ASIC2: variants seen among roughly 807,000 people sequenced by gnomAD.
ASIC2 encodes the protein acid-sensing ion channel 2.
Under a neutral mutation model 57.3 loss-of-function variants are expected in ASIC2, and 25 were observed. The observed-to-expected ratio is 0.44, with a 90% CI of 0.32 to 0.61. ASIC2 has a LOEUF of 0.61. Among genes scored for constraint, ASIC2 ranks in the 20% least tolerant of loss-of-function variants. The pLI is 0.06. For missense variants in ASIC2, 641 were observed against 738.1 expected (o/e 0.87, Z 1.52); for synonymous variants, 319 against 307.5 (o/e 1.04, Z -0.39).
intron 1 of ASIC2, among the ~76,000 whole-genome samples, chr17:34,093,864 T>C (rs1211114431): frequency 4.6e-5 from 7 of 152,050 alleles, no homozygotes; most frequent in South Asian, 2.1e-4. Context: ...CCCTAGTCAT[T>C]TGGGGGCACA....
In ASIC2 at chr17:33,063,368, A is replaced by G. The variant is rs545860813; in HGVS notation, c.987+25495T>C. Among the ~76,000 whole-genome samples the G allele has an allele frequency of 2.0e-5, 3 of 152,270 alleles. No individual in the cohort carries two copies. In the South Asian group the frequency reaches 6.2e-4, roughly 32 times the overall value. On this transcript the variant is annotated intron_variant, in intron 3 of 9. Transcript: ENST00000225823. ...GTAGGGCAGGCCTGGCGGTGACAAA[A>G]TCTCTCAGCATTTGCTTGTCTGTAA... is the stretch of plus-strand genomic sequence containing the variant.
intron 1 of ASIC2, among the ~76,000 whole-genome samples, chr17:33,594,844 A>G (rs1258454647): frequency 7.5e-5 from 11 of 146,730 alleles, no homozygotes; most frequent in Non-Finnish European, 1.7e-4. Context: ...AAAAAAAAAA[A>G]GAGCTCTGTT....
intron 1 of ASIC2, among the ~76,000 whole-genome samples, chr17:33,375,042 A>C (rs945085985): frequency 1.3e-5 from 2 of 152,180 alleles, no homozygotes; most frequent in Non-Finnish European, 2.9e-5. Flanking sequence ...GAGTTTTTAA[A>C]ATGCTCCTTA....
intron 1 of ASIC2, among the ~76,000 whole-genome samples, chr17:33,726,098 A>T (rs1909551880): frequency 6.6e-6 from 1 of 152,192 alleles, no homozygotes; most frequent in African/African-American, 2.4e-5. Context: ...TAGAGTTTGC[A>T]CCATTTCACG....
Position 33,017,801 on chromosome 17 carries a change from C to T in ASIC2, c.1442-117G>A, listed in dbSNP as rs117364437. 418 of 924,880 alleles carry T rather than the reference C, an allele frequency of 4.5e-4. 2 individuals carry two copies. In the East Asian group the frequency reaches 0.01, roughly 23 times the overall value. 57.3% of individuals were successfully genotyped at this position (924,880 alleles called of 1,614,324 possible). ...GCGCCCCCTCCATGGGGAGCCTGGG[C>T]CTTGTTGTGGGAGGTCCAGGCCTTT... On this transcript the variant is annotated intron_variant, in intron 7 of 9. Coordinates refer to ENST00000225823, the MANE Select transcript of ASIC2 (RefSeq NM_183377.2).
intron 1 of ASIC2, among the ~76,000 whole-genome samples, chr17:33,146,885 A>G (rs1904584502): frequency 6.6e-6 from 1 of 152,228 alleles, no homozygotes; most frequent in Admixed American, 6.5e-5. Flanking sequence ...AGTCATTCTC[A>G]GGGGGGAAAT....
chr17:33,291,775 A>T lies in ASIC2; in HGVS notation c.341T>A (p.Phe114Tyr). ...GCGGTGCACCCGCGTGTGTGACGGG[A>T]AGCTGAGCCAGTAGAGCAAGCGGTT... ...SSNRLLYWLS[F>Y]PSHTRVHREW... The change falls in exon 1 of 10, where the codon TTC becomes TAC. Residue 114 changes from phenylalanine to tyrosine, a missense_variant. By Grantham distance (22) the Phe-to-Tyr change is conservative. Around this residue, in one of 3 missense-constraint regions of ASIC2, gnomAD observed 382 missense variants for 398.0 expected, o/e 0.96. Transcript: ENST00000225823. 1.2e-6 allele frequency: 2 copies of T among 1,613,818 alleles called. No homozygotes were observed.
intron 3 of ASIC2, among the ~76,000 whole-genome samples, chr17:33,033,576 C>G (rs35374296): frequency 1.3e-5 from 2 of 152,242 alleles, no homozygotes; most frequent in African/African-American, 4.8e-5. Context: ...TCCCTGCAGG[C>G]TGGTGGGTGA....
intron 1 of ASIC2, among the ~76,000 whole-genome samples, chr17:33,506,356 C>T (rs962279538): frequency 7.4e-5 from 11 of 149,172 alleles, no homozygotes; most frequent in South Asian, 4.2e-4. Flanking sequence ...GAGCTTGCAG[C>T]GAGCCAAGAT....
chr17:33,813,533 T>C (rs911549208), intron 1 of ASIC2, among the ~76,000 whole-genome samples: 1 of 152,130 alleles, frequency 6.6e-6, no homozygotes, highest in African/African-American at 2.4e-5. Flanking sequence ...ACCTCCTGGG[T>C]TCACGCCATT....
chr17:33,453,180 T>C (rs1346134694), intron 1 of ASIC2, among the ~76,000 whole-genome samples: 3 of 151,750 alleles, frequency 2.0e-5, no homozygotes, highest in African/African-American at 4.8e-5. Context: ...ATTATATTTG[T>C]GTATTAGAGA....
rs576906212 is a variant in ASIC2 at position 33,463,609 on chromosome 17, C to T, written c.556-351542G>A. ...TTCCCTACTCCATGCAATCTGCCTG[C>T]GTGAGCCCCAGCCCTTATGGACCAA... On this transcript the variant is annotated intron_variant, in intron 1 of 9. Transcript: ENST00000359872. Among the ~76,000 whole-genome samples, 9 of 152,316 alleles carry T rather than the reference C, an allele frequency of 5.9e-5. No homozygotes were observed. The East Asian group carries it at 7.7e-4, about 13-fold the overall frequency.
intron 1 of ASIC2, among the ~76,000 whole-genome samples, chr17:33,335,459 C>A (rs1052219954): frequency 6.6e-6 from 1 of 152,160 alleles, no homozygotes; most frequent in Non-Finnish European, 1.5e-5. Flanking sequence ...CTAAGCAGCA[C>A]AGGGAATGTC....
intron 1 of ASIC2, among the ~76,000 whole-genome samples, chr17:33,619,052 G>T (rs902729944): frequency 6.6e-6 from 1 of 152,060 alleles, no homozygotes; most frequent in Non-Finnish European, 1.5e-5. Context: ...ATGTATGATA[G>T]ACCATAAGGC....
chr17:34,139,837 A>ATGTTCAAAAT (rs1375009540), intron 1 of ASIC2, among the ~76,000 whole-genome samples: 2 of 152,206 alleles, frequency 1.3e-5, no homozygotes, highest in Non-Finnish European at 2.9e-5. Flanking sequence ...ATGTTCAAAA[A>ATGTTCAAAAT]TTCAGAATGC....
intron 3 of ASIC2, 104 bp downstream of exon 3, chr17:33,088,759 G>GTAAA (rs1339616142): frequency 7.1e-7 from 1 of 1,410,642 alleles, no homozygotes; most frequent in African/African-American, 1.5e-5. Flanking sequence ...TAGTTTCACA[G>GTAAA]TAAAGCCCTT....
At chr17:33,736,074 C>G (rs1305985352) in intron 1 of ASIC2, among the ~76,000 whole-genome samples, 1 of 151,956 alleles carries the variant, frequency 6.6e-6, no homozygotes, top group African/African-American at 2.4e-5. Flanking sequence ...ATCTTTAGTG[C>G]TTGATACAAG....
At chr17:33,303,221 G>C (rs1597673915) in intron 1 of ASIC2, among the ~76,000 whole-genome samples, 1 of 152,308 alleles carries the variant, frequency 6.6e-6, no homozygotes, top group Non-Finnish European at 1.5e-5. Flanking sequence ...AAGACAAAGT[G>C]GGTGGTGGCA....
intron 1 of ASIC2, chr17:33,935,698 G>T (rs1916043068): frequency 6.6e-6 from 1 of 152,092 alleles, no homozygotes; most frequent in African/African-American, 2.4e-5. Context: ...CCTCTCCTGG[G>T]GTCATACTTT....
Sources: allele counts gnomAD v4.1 joint callset (sites outside exome capture counted in the v4.1 genomes callset), GRCh38; gene constraint gnomAD v4.1.1; regional missense constraint gnomAD v4.1.1; transcripts MANE v1.5; gene names NCBI Gene and HGNC (gene_info 2026-07-23, HGNC 2026-07-21).